Variants in TNNI3K observed in about 807,000 individuals in gnomAD.
TNNI3K encodes the protein serine/threonine-protein kinase TNNI3K.
A neutral mutation model predicts 114.5 loss-of-function variants in TNNI3K; 140 were observed. The observed-to-expected ratio is 1.22, with a 90% confidence interval of 1.07 to 1.41. The LOEUF (loss-of-function observed/expected upper bound fraction) is 1.41, where lower values mean the gene tolerates loss of function less well. Ranked by LOEUF, TNNI3K falls within the 40% of genes most tolerant of loss-of-function variation. TNNI3K has a pLI of 0.00. For missense variants in TNNI3K, 1,125 were observed against 1,007.6 expected, an observed-to-expected ratio of 1.12 and a Z score of -1.58; for synonymous variants, 347 against 347.5, an observed-to-expected ratio of 1.00 and a Z score of 0.02.
At chr1:74,258,128 A>G (rs1166323813) in intron 4 of TNNI3K, among the ~76,000 whole-genome samples, 1 of 152,140 alleles carries the variant, frequency 6.6e-6, no homozygotes, top group Non-Finnish European at 1.5e-5. Context: ...CCCGTACTAC[A>G]TGACCTCCAG....
At chr1:74,271,004 A>G (rs489278) in intron 4 of TNNI3K, among the ~76,000 whole-genome samples, 151,363 of 151,760 alleles carry the variant, frequency 1, 75,485 homozygotes, top group Non-Finnish European at 1. Context: ...CTCAAATAAT[A>G]GTTCTAACAT....
intron 5 of TNNI3K, among the ~76,000 whole-genome samples, chr1:74,279,237 T>A (rs1656861225): frequency 6.6e-6 from 1 of 152,198 alleles, no homozygotes; most frequent in South Asian, 2.1e-4. Context: ...TCCAGACGAT[T>A]AATCCTCCTT....
intron 5 of TNNI3K, among the ~76,000 whole-genome samples, chr1:74,329,492 C>T (rs1053348393): frequency 5.9e-5 from 9 of 151,946 alleles, no homozygotes; most frequent in African/African-American, 1.4e-4. Flanking sequence ...TCAGAAATTT[C>T]GGATTTTTCA....
chr1:74,289,488 C>CCTGTGCT (rs1570423881), intron 5 of TNNI3K, among the ~76,000 whole-genome samples: 1 of 3,106 alleles, frequency 3.2e-4, no homozygotes, highest in South Asian at 0.015. Flanking sequence ...TAGGTAGTGT[C>CCTGTGCT]ATTAGTCTTT....
intron 9 of TNNI3K, among the ~76,000 whole-genome samples, chr1:74,352,612 C>T (rs1383388431): frequency 6.6e-6 from 1 of 152,194 alleles, no homozygotes; most frequent in Non-Finnish European, 1.5e-5. Flanking sequence ...GTGGTCGGCT[C>T]CACCCAGTTC....
At chr1:74,281,334 A>ATGTGTGTGTGTG (rs149830701) in intron 5 of TNNI3K, among the ~76,000 whole-genome samples, 4,602 of 147,976 alleles carry the variant, frequency 0.031, 141 homozygotes, top group African/African-American at 0.068. Context: ...ACAATAATAG[A>ATGTGTGTGTGTG]TGTGTGTGTG....
In TNNI3K at chr1:74,311,315, C is replaced by G. The variant is rs563433600; in HGVS notation, c.445-20135C>G. Among the ~76,000 whole-genome samples the G allele has an allele frequency of 5.9e-5, 9 of 152,104 alleles. No homozygotes were observed. The East Asian group carries it at 1.7e-3, about 29-fold the overall frequency. ...CATAATCATATAAATTAATTCAGAA[C>G]TTGTAGGCTTCTAGCTGTCAAGAAA... is the stretch of plus-strand genomic sequence containing the variant. On this transcript the variant is annotated intron_variant, in intron 5 of 24. Coordinates refer to ENST00000326637, the MANE Select transcript of TNNI3K (RefSeq NM_015978.3).
intron 11 of TNNI3K, among the ~76,000 whole-genome samples, chr1:74,361,916 C>A (rs536258944): frequency 6.6e-6 from 1 of 152,058 alleles, no homozygotes; most frequent in African/African-American, 2.4e-5. Flanking sequence ...AGCATTCATG[C>A]CTGTGGATTC....
intron 13 of TNNI3K, 27 bp downstream of exon 13, chr1:74,367,991 T>C: frequency 6.5e-7 from 1 of 1,530,216 alleles, no homozygotes; most frequent in East Asian, 2.4e-5. Flanking sequence ...ACAATTGTTA[T>C]ATTTAATTAC....
At chr1:74,287,030 A>G (rs1395276718) in intron 5 of TNNI3K, among the ~76,000 whole-genome samples, 2 of 152,100 alleles carry the variant, frequency 1.3e-5, no homozygotes, top group East Asian at 3.9e-4. Context: ...TCAGAAACTC[A>G]GAAGCTAAAG....
At chr1:74,238,621 C>T (rs115375333) in intron 2 of TNNI3K, among the ~76,000 whole-genome samples, 2 of 152,074 alleles carry the variant, frequency 1.3e-5, no homozygotes, top group African/African-American at 4.8e-5. Flanking sequence ...TGAAATATAG[C>T]TTTTAATGAT....
At chr1:74,365,303 C>T (rs919913942) in intron 11 of TNNI3K, among the ~76,000 whole-genome samples, 1 of 152,066 alleles carries the variant, frequency 6.6e-6, no homozygotes, top group South Asian at 2.1e-4. Flanking sequence ...GCCTACCCTA[C>T]ACGAAAATCT....
chr1:74,300,471 A>G (rs1658257073), intron 5 of TNNI3K, among the ~76,000 whole-genome samples: 2 of 152,254 alleles, frequency 1.3e-5, no homozygotes, highest in Admixed American at 1.3e-4. Flanking sequence ...GAATTACAGA[A>G]TTATCATTTT....
intron 21 of TNNI3K, among the ~76,000 whole-genome samples, chr1:74,486,319 G>A (rs1557599562): frequency 6.6e-6 from 1 of 151,558 alleles, no homozygotes; most frequent in Non-Finnish European, 1.5e-5. Flanking sequence ...AGTGCCTTCA[G>A]GTAGCTGTCA....
At chr1:74,404,568 C>T (rs1369778653) in intron 17 of TNNI3K, among the ~76,000 whole-genome samples, 6 of 152,064 alleles carry the variant, frequency 3.9e-5, no homozygotes, top group African/African-American at 1.4e-4. Context: ...GACTTCACTC[C>T]TGAGTTTCTG....
rs139031119 is a variant in TNNI3K at position 74,431,540 on chromosome 1, C to G, written c.1773-4540C>G. On this transcript the variant is annotated intron_variant, in intron 17 of 24. Transcript: ENST00000326637. ...TAGCCTTCGCAGCAGAGATAGTAAA[C>G]TAAGTCAGTAATTGGTTGAGCTAGA... Among the ~76,000 whole-genome samples, 529 of 152,166 alleles carry G rather than the reference C, an allele frequency of 3.5e-3. 1 individual carries two copies. Among genetic ancestry groups the G allele is most frequent in the African/African-American group, 0.012 (508 of 41,530 alleles).
chr1:74,445,204 C>CT (rs1332980089), intron 20 of TNNI3K, among the ~76,000 whole-genome samples: 4,710 of 117,844 alleles, frequency 0.04, 250 homozygotes, highest in African/African-American at 0.12. Context: ...TAAAGAACTT[C>CT]TTTTTTTTTT....
At chr1:74,297,350 G>A (rs12060389) in intron 5 of TNNI3K, among the ~76,000 whole-genome samples, 4,454 of 152,208 alleles carry the variant, frequency 0.029, 202 homozygotes, top group African/African-American at 0.1. Flanking sequence ...ATCATATTTG[G>A]TGGTGGGACT....
At chr1:74,429,149 T>TC (rs1217300702) in intron 17 of TNNI3K, among the ~76,000 whole-genome samples, 3 of 152,084 alleles carry the variant, frequency 2.0e-5, no homozygotes. Context: ...GTCTCTGTTA[T>TC]CCTGGGGCTC....
Sources: gnomAD v4.1 joint callset for allele counts (sites outside exome capture counted in the v4.1 genomes callset) on GRCh38, gnomAD v4.1.1 for gene constraint, MANE v1.5 for transcripts, NCBI Gene and HGNC (gene_info 2026-07-23, HGNC 2026-07-21) for gene names.